HIVEP3: variants seen among roughly 807,000 people sequenced by gnomAD.
HIVEP3 encodes the protein transcription factor HIVEP3.
In HIVEP3, 49 loss-of-function variants were observed where a neutral mutation model predicts 152.8. The observed-to-expected ratio is 0.32, with a 90% CI of 0.26 to 0.41. HIVEP3 has a LOEUF of 0.41. Ranked by LOEUF, HIVEP3 falls within the 10% of genes least tolerant of loss-of-function variation. HIVEP3 has a pLI of 1.00. For missense variants in HIVEP3, 2,790 were observed against 3,103.3 expected, an observed-to-expected ratio of 0.90 and a Z score of 2.40; for synonymous variants, 1,269 against 1,289.0, an observed-to-expected ratio of 0.98 and a Z score of 0.33.
chr1:41,939,983 T>C (rs1328841498), intron 1 of HIVEP3, among the ~76,000 whole-genome samples: 1 of 152,234 alleles, frequency 6.6e-6, no homozygotes, highest in African/African-American at 2.4e-5. Context: ...TTATTGATTA[T>C]TTTACTTTAG....
rs546469630 is a variant in HIVEP3 at position 41,978,755 on chromosome 1, T to C, written n.119+57052A>G. 9.2e-5 allele frequency among the ~76,000 whole-genome samples: 14 copies of C among 152,256 alleles called. 1 individual carries two copies. In the East Asian group the frequency reaches 2.7e-3, roughly 29 times the overall value. ...GCAATAAACAAAAGAGACAGAGCCA[T>C]GGAGGAGGAGAAGCATGGGAGCCTT... is the stretch of plus-strand genomic sequence containing the variant. On this transcript the variant is annotated intron_variant and non_coding_transcript_variant, in intron 1 of 3. Transcript: ENST00000489103.
chr1:41,515,786 A>C (rs1045358322), intron 7 of HIVEP3, among the ~76,000 whole-genome samples: 3 of 152,130 alleles, frequency 2.0e-5, no homozygotes, highest in African/African-American at 7.2e-5. Flanking sequence ...GGTAGCAATA[A>C]AAGCACTCTA....
intron 1 of HIVEP3, among the ~76,000 whole-genome samples, chr1:41,789,187 C>T (rs1570542818): frequency 1.3e-5 from 2 of 152,162 alleles, no homozygotes; most frequent in African/African-American, 4.8e-5. Flanking sequence ...AGAATTGTGG[C>T]ACCTCAGATG....
At chr1:41,552,714 G>C (rs932811494) in intron 5 of HIVEP3, among the ~76,000 whole-genome samples, 6 of 151,880 alleles carry the variant, frequency 4.0e-5, no homozygotes, top group Non-Finnish European at 7.4e-5. Flanking sequence ...ATGATTTATA[G>C]TCCTTTGGGT....
chr1:42,017,594 G>A (rs6600395), intron 1 of HIVEP3, among the ~76,000 whole-genome samples: 70,145 of 151,826 alleles, frequency 0.46, 17,319 homozygotes, highest in East Asian at 0.71. Context: ...GTTTTTGCAT[G>A]TGATTATAGA....
At chr1:41,798,477 G>A (rs1650110493) in intron 1 of HIVEP3, among the ~76,000 whole-genome samples, 1 of 152,166 alleles carries the variant, frequency 6.6e-6, no homozygotes, top group Admixed American at 6.5e-5. Flanking sequence ...AAAGCCATAG[G>A]CTGATGCCAC....
intron 5 of HIVEP3, among the ~76,000 whole-genome samples, chr1:41,573,648 A>T: frequency 6.6e-6 from 1 of 152,160 alleles, no homozygotes; most frequent in South Asian, 2.1e-4. Context: ...AGCAGCTATG[A>T]ATTATAGCCT....
intron 3 of HIVEP3, among the ~76,000 whole-genome samples, chr1:41,619,766 A>G (rs16828495): frequency 0.049 from 7,437 of 152,198 alleles, 639 homozygotes; most frequent in African/African-American, 0.17. Flanking sequence ...TTTTGGAGCC[A>G]TATGGAATAA....
In HIVEP3 at chr1:41,582,956, G is replaced by A. The variant is rs1413738051; in HGVS notation, c.1842C>T (p.Ala614=). 4 of 1,613,978 alleles carry A rather than the reference G, an allele frequency of 2.5e-6. No homozygotes were observed. Among genetic ancestry groups the A allele is most frequent in the Non-Finnish European group, 3.4e-6 (4 of 1,180,036 alleles). The change falls in exon 4 of 9, where the codon GCC becomes GCT. Residue 614 remains alanine, a synonymous_variant. Coordinates refer to ENST00000372583, the MANE Select transcript of HIVEP3 (RefSeq NM_024503.5). This position sits in a 1 kb window ranked among gnomAD's most constrained non-coding sequence, Gnocchi z 4.7. ...EEPGPSSKDT[A]SKPSDEVEPK... ...GTTCCACTTCGTCCGAGGGCTTGGA[G>A]GCTGTGTCTTTGCTGCTTGGGCCAG...
At chr1:41,837,647 A>C (rs1643164669) in intron 1 of HIVEP3, among the ~76,000 whole-genome samples, 1 of 151,964 alleles carries the variant, frequency 6.6e-6, no homozygotes, top group South Asian at 2.1e-4. Context: ...CTTCTTCATA[A>C]CCCCTGTTAG....
chr1:41,767,183 C>T (rs1558251552), intron 1 of HIVEP3, among the ~76,000 whole-genome samples: 1 of 152,168 alleles, frequency 6.6e-6, no homozygotes, highest in East Asian at 1.9e-4. Flanking sequence ...ACCCTGATTC[C>T]ATCTCCTATT....
At chr1:41,944,577 C>A (rs1645064740) in intron 1 of HIVEP3, among the ~76,000 whole-genome samples, 1 of 152,120 alleles carries the variant, frequency 6.6e-6, no homozygotes, top group Non-Finnish European at 1.5e-5. Context: ...TAGGACTCAC[C>A]CCTGAGCACA....
intron 1 of HIVEP3, among the ~76,000 whole-genome samples, chr1:42,017,104 A>T (rs921787435): frequency 1.3e-5 from 2 of 152,100 alleles, no homozygotes; most frequent in African/African-American, 2.4e-5. Context: ...ATTATTTTAT[A>T]AATATTTTCC....
intron 3 of HIVEP3, among the ~76,000 whole-genome samples, chr1:41,595,312 CAGTAGCTCCCCAATGCAGAGAG>C (rs1368237484): frequency 6.6e-6 from 1 of 152,216 alleles, no homozygotes; most frequent in African/African-American, 2.4e-5. Context: ...CAGTAATTCT[CAGTAGCTCCCCAATGCAGAGAG>C]ATTCAGCCAT....
rs1295212259 is a variant in HIVEP3 at position 41,724,899 on chromosome 1, G to A, written c.-800-23904C>T. Among the ~76,000 whole-genome samples the A allele has an allele frequency of 3.9e-5, 6 of 152,308 alleles. No homozygotes were observed. In the South Asian group the frequency reaches 1.0e-3, roughly 26 times the overall value. On this transcript the variant is annotated intron_variant, in intron 1 of 8. Coordinates refer to ENST00000372583, the MANE Select transcript of HIVEP3 (RefSeq NM_024503.5). ...TCAGCAGAAGCCTGTGAATGACTCC[G>A]GTTGTGCTCTCACACCAAGACAAAG... is the stretch of plus-strand genomic sequence containing the variant.
chr1:41,584,600 A>G lies in HIVEP3; in HGVS notation c.198T>C (p.Leu66=), dbSNP rs1186537290. 2.5e-6 allele frequency: 4 copies of G among 1,613,482 alleles called. No individual in the cohort carries two copies. In the East Asian group the frequency reaches 8.9e-5, roughly 36 times the overall value. ...PQPFPGPSSV[L]REGSQEKTGQ... ...CCGTTTTCTCCTGAGAGCCTTCCCT[A>G]AGAACTGATGAGGGGCCCGGGAAGG... The change falls in exon 4 of 9, where the codon CTT becomes CTC. Residue 66 remains leucine, a synonymous_variant. Coordinates refer to ENST00000372583, the MANE Select transcript of HIVEP3 (RefSeq NM_024503.5). This position sits in a 1 kb window ranked among gnomAD's most constrained non-coding sequence, Gnocchi z 5.2.
intron 1 of HIVEP3, among the ~76,000 whole-genome samples, chr1:42,010,195 A>G (rs1645485132): frequency 6.6e-6 from 1 of 152,206 alleles, no homozygotes; most frequent in African/African-American, 2.4e-5. Flanking sequence ...GTGCCCAGCC[A>G]TAATAACATG....
chr1:41,562,601 TTCTCTCTCTCTC>T (rs72509109), intron 5 of HIVEP3, among the ~76,000 whole-genome samples: 1 of 126,174 alleles, frequency 7.9e-6, no homozygotes, highest in Non-Finnish European at 1.6e-5. Context: ...CTTCCTTTCT[TTCTCTCTCTCTC>T]TCTCTCTCTC....
At chr1:41,655,723 C>T (rs1041694680) in intron 2 of HIVEP3, among the ~76,000 whole-genome samples, 1 of 152,050 alleles carries the variant, frequency 6.6e-6, no homozygotes, top group South Asian at 2.1e-4. Flanking sequence ...TTCCCTATTG[C>T]CGTGTTCCTT....
Sources: allele counts gnomAD v4.1 joint callset (sites outside exome capture counted in the v4.1 genomes callset), GRCh38; gene constraint gnomAD v4.1.1; non-coding constraint Gnocchi (gnomAD v3.1); transcripts MANE v1.5; gene names NCBI Gene and HGNC (gene_info 2026-07-23, HGNC 2026-07-21).